SCN9A: variants seen among roughly 807,000 people sequenced by gnomAD.
SCN9A encodes the protein sodium voltage-gated channel alpha subunit 9.
In SCN9A, 131 loss-of-function variants were observed where a neutral mutation model predicts 187.0. The observed-to-expected ratio is 0.70, with a 90% CI of 0.61 to 0.81. SCN9A has a LOEUF of 0.81. Among genes scored for constraint, SCN9A ranks in the 30% least tolerant of loss-of-function variants. The pLI, the probability that SCN9A is intolerant of heterozygous loss-of-function variation, is 0.00. For missense variants in SCN9A, 2,252 were observed against 2,396.6 expected, an observed-to-expected ratio of 0.94 and a Z score of 1.26; for synonymous variants, 809 against 808.6, an observed-to-expected ratio of 1.00 and a Z score of -0.01.
intron 1 of SCN9A, among the ~76,000 whole-genome samples, chr2:166,350,485 G>A (rs1700008164): frequency 6.6e-6 from 1 of 152,184 alleles, no homozygotes; most frequent in African/African-American, 2.4e-5. Flanking sequence ...AATATGAGAA[G>A]TTTTGATTTG....
At chr2:166,371,451 G>A (rs1244249979) in intron 1 of SCN9A, among the ~76,000 whole-genome samples, 2 of 152,032 alleles carry the variant, frequency 1.3e-5, no homozygotes, top group African/African-American at 4.8e-5. Flanking sequence ...AGAGCTGATG[G>A]CTTTTTCTTT....
chr2:166,288,115 A>C (rs1164298478), intron 10 of SCN9A, among the ~76,000 whole-genome samples: 1 of 129,516 alleles, frequency 7.7e-6, no homozygotes, highest in Non-Finnish European at 1.6e-5. Context: ...ATATATATAT[A>C]TATATACACA....
In SCN9A at chr2:166,272,627, A is replaced by T. The variant is rs1478449852; in HGVS notation, c.3123T>A (p.His1041Gln). The T allele has an allele frequency of 5.0e-6, 8 of 1,613,152 alleles. No individual in the cohort carries two copies. Among genetic ancestry groups the T allele is most frequent in the Non-Finnish European group, 6.8e-6 (8 of 1,179,664 alleles). The change falls in exon 17 of 27, where the codon CAT (histidine) becomes CAA (glutamine). Residue 1041 changes from histidine to glutamine, a missense_variant. Around this residue, in one of 7 missense-constraint regions of SCN9A, gnomAD observed 313 missense variants for 295.3 expected, o/e 1.06. Transcript: ENST00000642356. ...GACCTTTGCTCATTTCAGCAAGTGT[A>T]TGGTTAGAAATATAGTTTTCCTTCT... ...NTKKENYISN[H>Q]TLAEMSKGHN... is the part of the protein sequence containing the mutation.
intron 9 of SCN9A, among the ~76,000 whole-genome samples, chr2:166,290,110 C>A (rs1045633797): frequency 1.3e-5 from 2 of 151,988 alleles, no homozygotes; most frequent in Admixed American, 6.6e-5. Flanking sequence ...TGTTCCCCTC[C>A]CTGTGTCCAT....
At chr2:166,260,542 T>C (rs551890843) in intron 17 of SCN9A, among the ~76,000 whole-genome samples, 1 of 151,964 alleles carries the variant, frequency 6.6e-6, no homozygotes, top group African/African-American at 2.4e-5. Context: ...TGTGTTATAA[T>C]TTTTTGTATA....
chr2:166,336,997 G>C lies in SCN9A; in HGVS notation c.-50-25191C>G, dbSNP rs369900308. 1.1e-4 allele frequency among the ~76,000 whole-genome samples: 17 copies of C among 152,216 alleles called. No homozygotes were observed. The East Asian group carries it at 2.3e-3, about 21-fold the overall frequency. ...GTATGATTTTGAAGAGATTAAGCAG[G>C]AAAATGATCAAGTCCATATTTTGTA... On this transcript the variant is annotated intron_variant, in intron 1 of 26. Transcript: ENST00000642356.
At chr2:166,354,903 T>A (rs56149857) in intron 1 of SCN9A, among the ~76,000 whole-genome samples, 60,323 of 151,756 alleles carry the variant, frequency 0.4, 13,017 homozygotes, top group Non-Finnish European at 0.49. Context: ...CTGAAAAGCA[T>A]AGAAAAAAAT....
rs1693400718 is a variant in SCN9A, at chr2:166,199,869, A to T, written c.4775-5T>A. The T allele has an allele frequency of 6.3e-7, 1 of 1,597,530 alleles. No individual in the cohort carries two copies. The highest frequency in any genetic ancestry group is 1.4e-5 in the African/African-American group (1 of 73,868). ...TCAAATCAGCTAGAAACATACCTGT[A>T]TGTGGAGGAAAATAATAGAAATAAA... On this transcript the variant is annotated splice_polypyrimidine_tract_variant and splice_region_variant and intron_variant, in intron 26 of 26. Coordinates refer to ENST00000642356, the MANE Select transcript of SCN9A (RefSeq NM_001365536.1).
intron 17 of SCN9A, among the ~76,000 whole-genome samples, chr2:166,257,247 A>C (rs1317733263): frequency 6.6e-6 from 1 of 151,658 alleles, no homozygotes; most frequent in African/African-American, 2.4e-5. Context: ...AAATGCAACA[A>C]GTAGGTAAAG....
In SCN9A at chr2:166,195,381, C is replaced by A. The variant is rs1029626458; in HGVS notation, c.*3291G>T. 3 of 151,986 alleles carry A rather than the reference C, an allele frequency of 2.0e-5. No homozygotes were observed. The highest frequency in any genetic ancestry group is 4.4e-5 in the Non-Finnish European group (3 of 67,990). The allele number at this position is 151,986 out of a possible 1,614,324, so 9.4% of individuals were successfully genotyped here. Reference sequence around the variant, plus strand: ...ATTTATTTATTTTCATGAAGCAATTCTTGATTGTTTTCCTCAAGAAGATAA... The same window carrying A: ...ATTTATTTATTTTCATGAAGCAATTATTGATTGTTTTCCTCAAGAAGATAA... On this transcript the variant is annotated 3_prime_UTR_variant, in exon 27 of 27. Transcript: ENST00000642356.
At chr2:166,346,511 C>A (rs1295757062) in intron 1 of SCN9A, among the ~76,000 whole-genome samples, 2 of 152,146 alleles carry the variant, frequency 1.3e-5, no homozygotes, top group Non-Finnish European at 2.9e-5. Flanking sequence ...CAAAGACACA[C>A]AGATGGGCCT....
intron 1 of SCN9A, among the ~76,000 whole-genome samples, chr2:166,329,577 T>G (rs1699449034): frequency 7.8e-6 from 1 of 128,242 alleles, no homozygotes; most frequent in African/African-American, 3.5e-5. Flanking sequence ...GGGGGGGGGT[T>G]GTTGTTGTTG....
At chr2:166,269,390 A>G (rs948239501) in intron 17 of SCN9A, among the ~76,000 whole-genome samples, 2 of 152,010 alleles carry the variant, frequency 1.3e-5, no homozygotes, top group South Asian at 2.1e-4. Context: ...GCATGGCTTT[A>G]TACCCCAGGG....
chr2:166,318,907 C>T (rs1290662310), intron 1 of SCN9A, among the ~76,000 whole-genome samples: 2 of 151,902 alleles, frequency 1.3e-5, no homozygotes, highest in East Asian at 3.9e-4. Flanking sequence ...TTAGAAGATA[C>T]AGAATAATCC....
In SCN9A at chr2:166,348,384, A is replaced by C. The variant is rs577404457; in HGVS notation, c.-51+27313T>G. Among the ~76,000 whole-genome samples, 41 of 152,326 alleles carry C rather than the reference A, an allele frequency of 2.7e-4. No homozygotes were observed. In the South Asian group the frequency reaches 8.5e-3, roughly 32 times the overall value. On this transcript the variant is annotated intron_variant, in intron 1 of 26. Transcript: ENST00000642356. ...TCAGTAGCCAGTGCTAGTAATAAAA[A>C]GTACCATTTACTCCCTGGGAACTCA... is the stretch of plus-strand genomic sequence containing the variant.
intron 17 of SCN9A, among the ~76,000 whole-genome samples, chr2:166,253,495 A>G (rs1696136472): frequency 6.6e-6 from 1 of 151,904 alleles, no homozygotes; most frequent in South Asian, 2.1e-4. Flanking sequence ...ACTATAGAAT[A>G]GGCTTTAAAG....
chr2:166,218,413 A>T (rs6748786), intron 24 of SCN9A, among the ~76,000 whole-genome samples: 4,448 of 152,056 alleles, frequency 0.029, 463 homozygotes, highest in Admixed American at 0.2. Context: ...GTAAAATAAA[A>T]AAATAAATAA....
chr2:166,266,893 T>C (rs1467904216), intron 17 of SCN9A, among the ~76,000 whole-genome samples: 1 of 151,990 alleles, frequency 6.6e-6, no homozygotes, highest in Admixed American at 6.6e-5. Context: ...GATTTTTGCA[T>C]GTTGATTTTG....
chr2:166,267,326 G>A (rs902184314), intron 17 of SCN9A, among the ~76,000 whole-genome samples: 3 of 151,834 alleles, frequency 2.0e-5, no homozygotes, highest in Admixed American at 2.0e-4. Flanking sequence ...TGGTTTTTAT[G>A]TTTCATTCTG....
Sources: allele counts gnomAD v4.1 joint callset (sites outside exome capture counted in the v4.1 genomes callset), GRCh38; gene constraint gnomAD v4.1.1; regional missense constraint gnomAD v4.1.1; transcripts MANE v1.5; gene names NCBI Gene and HGNC (gene_info 2026-07-23, HGNC 2026-07-21).